Variants in UBE2D1 observed in about 807,000 individuals in gnomAD.
UBE2D1 encodes the protein ubiquitin conjugating enzyme E2 D1.
UBE2D1 carries 9 observed loss-of-function variants against 24.6 expected under a neutral mutation model. The ratio of observed to expected loss-of-function variants is 0.37; its 90% CI spans 0.22 to 0.64. The LOEUF is 0.64. UBE2D1 is among the 30% of genes least tolerant of loss of function. The pLI is 0.64. For missense variants in UBE2D1, 87 were observed against 177.1 expected (o/e 0.49, Z 2.89); for synonymous variants, 57 against 57.6 (o/e 0.99, Z 0.04).
Position 58,361,202 on chromosome 10 carries a change from C to A in UBE2D1, c.25-136C>A, listed in dbSNP as rs954724295. 5 of 843,204 alleles carry A rather than the reference C, an allele frequency of 5.9e-6. No individual in the cohort carries two copies. The African/African-American group carries it at 8.5e-5, about 14-fold the overall frequency. The allele number at this position is 843,204 out of a possible 1,614,324, so 52.2% of individuals were successfully genotyped here. ...CTTTCTACCAGTCAATGACAGAGTA[C>A]AATTTATGTTTTTATATTTTGAATA... On this transcript the variant is annotated intron_variant, in intron 1 of 6. Coordinates refer to ENST00000373910, the MANE Select transcript of UBE2D1 (RefSeq NM_003338.5).
chr10:58,345,253 T>C (rs556397918), intron 1 of UBE2D1, among the ~76,000 whole-genome samples: 1 of 152,058 alleles, frequency 6.6e-6, no homozygotes, highest in Non-Finnish European at 1.5e-5. Flanking sequence ...GAAGAAACAC[T>C]TGAGCCCAGG....
At chr10:58,338,046 C>G (rs7080053) in intron 1 of UBE2D1, among the ~76,000 whole-genome samples, 1 of 151,912 alleles carries the variant, frequency 6.6e-6, no homozygotes, top group African/African-American at 2.4e-5. Context: ...GGGGTTTCAC[C>G]GTGTTGCCTA....
intron 3 of UBE2D1, among the ~76,000 whole-genome samples, chr10:58,362,155 G>T (rs971609983): frequency 6.6e-6 from 1 of 152,078 alleles, no homozygotes; most frequent in African/African-American, 2.4e-5. Context: ...CTTGAAACAG[G>T]CTTTTTCTTT....
At chr10:58,361,465 A>G (rs1840197518) in intron 2 of UBE2D1, 30 bp from the exon 3 acceptor site, 5 of 1,614,146 alleles carry the variant, frequency 3.1e-6, no homozygotes, top group Non-Finnish European at 4.2e-6. Context: ...ACATTTGTTA[A>G]TGACTCCAAA....
In UBE2D1 at chr10:58,335,136, G is replaced by A. The variant is rs1021384892; in HGVS notation, c.-66G>A. On this transcript the variant is annotated 5_prime_UTR_variant, in exon 1 of 7. Coordinates refer to ENST00000373910, the MANE Select transcript of UBE2D1 (RefSeq NM_003338.5). ...GCTGCCAGCGAGCCCAACCCGCGAC[G>A]ACCCACGCCCCTGAGCCCCGCAGCC... 11 of 1,514,164 alleles carry A rather than the reference G, an allele frequency of 7.3e-6. No individual in the cohort carries two copies. In the Admixed American group the frequency reaches 1.8e-4, roughly 25 times the overall value. 93.8% of individuals were successfully genotyped at this position (1,514,164 alleles called of 1,614,324 possible). A position where few individuals can be genotyped will look rare whatever the true frequency, so the allele number is the denominator to read the frequency against.
chr10:58,361,460 T>C, intron 2 of UBE2D1, 35 bp from the exon 3 acceptor site: 1 of 1,614,202 alleles, frequency 6.2e-7, no homozygotes, highest in South Asian at 1.1e-5. Context: ...TTTGAACATT[T>C]GTTAATGACT....
chr10:58,356,166 TA>T (rs2132326002), intron 1 of UBE2D1, among the ~76,000 whole-genome samples: 1 of 152,254 alleles, frequency 6.6e-6, no homozygotes, highest in African/African-American at 2.4e-5. Flanking sequence ...TATTTTTCTT[TA>T]AAAAGTTACA....
chr10:58,347,639 CTTTTTTT>C (rs774396274), intron 1 of UBE2D1, among the ~76,000 whole-genome samples: 5 of 116,238 alleles, frequency 4.3e-5, no homozygotes, highest in Admixed American at 1.8e-4. Context: ...AAATTACACT[CTTTTTTT>C]TTTTTTTTTT....
intron 2 of UBE2D1, 37 bp downstream of exon 2, chr10:58,361,438 T>C: frequency 6.2e-7 from 1 of 1,614,146 alleles, no homozygotes. Flanking sequence ...ATGCTACCTT[T>C]AAAAATATAG....
At chr10:58,354,317 T>C (rs1430838802) in intron 1 of UBE2D1, among the ~76,000 whole-genome samples, 1 of 152,088 alleles carries the variant, frequency 6.6e-6, no homozygotes, top group Admixed American at 6.5e-5. Context: ...AGGAAGGTTA[T>C]TTTAGAAGAA....
At chr10:58,365,269 A>C (rs1840242911) in intron 5 of UBE2D1, among the ~76,000 whole-genome samples, 1 of 152,088 alleles carries the variant, frequency 6.6e-6, no homozygotes, top group Admixed American at 6.5e-5. Context: ...CGAGTTCGAG[A>C]CCGGCCTGGG....
chr10:58,360,437 A>G (rs1211001295), intron 1 of UBE2D1, among the ~76,000 whole-genome samples: 2 of 152,058 alleles, frequency 1.3e-5, no homozygotes, highest in Non-Finnish European at 2.9e-5. Context: ...AGAGGAAAAA[A>G]AAAAATCCAA....
At chr10:58,337,122 G>A (rs1839911748) in intron 1 of UBE2D1, among the ~76,000 whole-genome samples, 1 of 142,566 alleles carries the variant, frequency 7.0e-6, no homozygotes, top group South Asian at 2.2e-4. Flanking sequence ...TTGGTTATTA[G>A]TTTATAGAAT....
chr10:58,367,168 G>A (rs929540652), intron 5 of UBE2D1, among the ~76,000 whole-genome samples: 1 of 152,090 alleles, frequency 6.6e-6, no homozygotes, highest in Non-Finnish European at 1.5e-5. Flanking sequence ...AACGCAGTGG[G>A]GTGGGTGCAA....
At position 58,368,767 on chromosome 10, in the gene UBE2D1, A is replaced by C. The variant is rs1840284208; in HGVS notation, c.*2A>C. The C allele has an allele frequency of 1.3e-6, 2 of 1,582,772 alleles. No individual in the cohort carries two copies. The highest frequency in any genetic ancestry group is 2.7e-5 in the African/African-American group (2 of 73,572). ...TGGACTCAGAAATATGCAATGTAAA[A>C]ATCAAAAACATTTTCATATATACCA... On this transcript the variant is annotated 3_prime_UTR_variant, in exon 7 of 7. Coordinates refer to ENST00000373910, the MANE Select transcript of UBE2D1 (RefSeq NM_003338.5).
At position 58,335,146 on chromosome 10, in the gene UBE2D1, C is replaced by G; in HGVS notation, c.-56C>G. ...AGCCCAACCCGCGACGACCCACGCC[C>G]CTGAGCCCCGCAGCCGACCCCTGCC... On this transcript the variant is annotated 5_prime_UTR_variant, in exon 1 of 7. Coordinates refer to ENST00000373910, the MANE Select transcript of UBE2D1 (RefSeq NM_003338.5). The G allele has an allele frequency of 6.5e-7, 1 of 1,529,514 alleles. No individual in the cohort carries two copies. The highest frequency in any genetic ancestry group is 8.8e-7 in the Non-Finnish European group (1 of 1,140,328). 94.7% of individuals were successfully genotyped at this position (1,529,514 alleles called of 1,614,324 possible).
chr10:58,342,205 T>C (rs1189326322), intron 1 of UBE2D1, among the ~76,000 whole-genome samples: 1 of 152,226 alleles, frequency 6.6e-6, no homozygotes, highest in East Asian at 1.9e-4. Flanking sequence ...AGTCTAGTGC[T>C]GTCCATTCCA....
chr10:58,335,704 C>A, intron 1 of UBE2D1, among the ~76,000 whole-genome samples: 1 of 152,238 alleles, frequency 6.6e-6, no homozygotes, highest in East Asian at 1.9e-4. Flanking sequence ...GCGGAGCTGT[C>A]GGGTTGGTTC....
intron 1 of UBE2D1, among the ~76,000 whole-genome samples, chr10:58,357,671 T>C (rs953200878): frequency 1.3e-5 from 2 of 152,178 alleles, no homozygotes; most frequent in Non-Finnish European, 2.9e-5. Flanking sequence ...CACATACGCA[T>C]CCTAGTTTCA....
Sources: gnomAD v4.1 joint callset for allele counts (sites outside exome capture counted in the v4.1 genomes callset) on GRCh38, gnomAD v4.1.1 for gene constraint, MANE v1.5 for transcripts, NCBI Gene and HGNC (gene_info 2026-07-23, HGNC 2026-07-21) for gene names.